The following LRRC4C variants were observed in gnomAD, a reference collection of about 807,000 sequenced individuals.
The protein encoded by LRRC4C is leucine rich repeat containing 4C, also known as leucine-rich repeat-containing protein 4C.
LRRC4C carries 5 observed loss-of-function variants against 33.6 expected under a neutral mutation model. The ratio of observed to expected loss-of-function variants is 0.15; its 90% CI spans 0.08 to 0.31. The LOEUF is 0.31. LRRC4C is among the 10% of genes least tolerant of loss of function. The pLI, the probability that LRRC4C is intolerant of heterozygous loss-of-function variation, is 1.00. For synonymous variants in LRRC4C, 329 were observed against 302.0 expected, an observed-to-expected ratio of 1.09 and a Z score of -0.93; for missense variants, 560 against 796.7, an observed-to-expected ratio of 0.70 and a Z score of 3.58.
intron 2 of LRRC4C, among the ~76,000 whole-genome samples, chr11:40,666,840 C>T (rs1943835914): frequency 6.6e-6 from 1 of 152,212 alleles, no homozygotes; most frequent in South Asian, 2.1e-4. Flanking sequence ...CATAGGCTAT[C>T]CTAGCCAGTG....
chr11:40,382,684 ATTTTTTTTTTTT>A lies in LRRC4C; in HGVS notation c.-269-62975_-269-62964del, dbSNP rs35200000. Among the ~76,000 whole-genome samples, 11 of 65,570 alleles carry A rather than the reference ATTTTTTTTTTTT, an allele frequency of 1.7e-4. No individual in the cohort carries two copies. The South Asian group carries it at 6.0e-3, about 36-fold the overall frequency. 43.0% of individuals were successfully genotyped at this position (65,570 alleles called of 152,430 possible). On this transcript the variant is annotated intron_variant, in intron 3 of 6. Transcript: ENST00000528697. ...TTTTGCACAACTAAAACTTGTACTC[ATTTTTTTTTTTT>A]TTTTTTTTTTTTTTTGAGACAGAGT...
chr11:41,008,523 G>T (rs1387375457), intron 1 of LRRC4C, among the ~76,000 whole-genome samples: 3 of 152,126 alleles, frequency 2.0e-5, no homozygotes, highest in African/African-American at 7.2e-5. Flanking sequence ...ACTCACACTT[G>T]TATTCTGCAG....
chr11:41,158,249 G>A (rs1944318663), intron 1 of LRRC4C, among the ~76,000 whole-genome samples: 2 of 152,076 alleles, frequency 1.3e-5, no homozygotes, highest in African/African-American at 4.8e-5. Context: ...TTATATCCCT[G>A]TCAGCATGAT....
At position 40,681,423 on chromosome 11, in the gene LRRC4C, C is replaced by G. The variant is rs183005017; in HGVS notation, c.-406-33145G>C. ...ATTTGTTGTACTCCAAAACATTGTA[C>G]AGTGAATGGCAAATGTAATAGGGTG... On this transcript the variant is annotated intron_variant, in intron 2 of 6. Transcript: ENST00000528697. Among the ~76,000 whole-genome samples the G allele has an allele frequency of 5.9e-5, 9 of 152,232 alleles. 1 individual carries two copies. The highest frequency in any genetic ancestry group is 5.9e-4 in the Admixed American group (9 of 15,294).
chr11:40,438,549 G>C (rs1340929830), intron 3 of LRRC4C, among the ~76,000 whole-genome samples: 1 of 152,144 alleles, frequency 6.6e-6, no homozygotes, highest in Non-Finnish European at 1.5e-5. Context: ...ACAAAGTCTG[G>C]CTAATAGTGG....
intron 1 of LRRC4C, among the ~76,000 whole-genome samples, chr11:41,074,972 A>C (rs1328434073): frequency 6.6e-6 from 1 of 150,636 alleles, no homozygotes; most frequent in Non-Finnish European, 1.5e-5. Flanking sequence ...TGAATGCTTC[A>C]GTATTTAAGT....
intron 2 of LRRC4C, among the ~76,000 whole-genome samples, chr11:40,662,195 CT>C (rs1328652681): frequency 6.6e-6 from 1 of 152,110 alleles, no homozygotes; most frequent in Non-Finnish European, 1.5e-5. Context: ...TCTCAGATTC[CT>C]AGAAGTGTTT....
chr11:40,422,232 G>T (rs1029250296), intron 3 of LRRC4C, among the ~76,000 whole-genome samples: 1 of 152,154 alleles, frequency 6.6e-6, no homozygotes, highest in African/African-American at 2.4e-5. Flanking sequence ...CCAGTAACAC[G>T]GAGGAAAGGG....
At chr11:41,219,881 G>A (rs1286275181) in intron 1 of LRRC4C, among the ~76,000 whole-genome samples, 1 of 152,190 alleles carries the variant, frequency 6.6e-6, no homozygotes, top group Non-Finnish European at 1.5e-5. Flanking sequence ...AAGGAAGCCT[G>A]AGCATTCTCA....
chr11:41,208,640 T>C (rs951949232), intron 1 of LRRC4C, among the ~76,000 whole-genome samples: 3 of 152,104 alleles, frequency 2.0e-5, no homozygotes, highest in African/African-American at 7.2e-5. Flanking sequence ...GCCTCAGAGA[T>C]CCTACAGGAT....
intron 3 of LRRC4C, among the ~76,000 whole-genome samples, chr11:40,474,908 T>A (rs1413677188): frequency 6.6e-6 from 1 of 152,060 alleles, no homozygotes; most frequent in Non-Finnish European, 1.5e-5. Context: ...TGAGATACCA[T>A]CTCATGCCAG....
rs182099729 is a variant in LRRC4C, at chr11:41,445,095, G to A, written c.-496+14336C>T. Among the ~76,000 whole-genome samples, 50 of 152,242 alleles carry A rather than the reference G, an allele frequency of 3.3e-4. 1 individual carries two copies. The South Asian group carries it at 7.7e-3, about 23-fold the overall frequency. ...TGGGATTACAGGCATGAGCCACCAC[G>A]CCCGACATCTAACTTAATTTCTATT... On this transcript the variant is annotated intron_variant, in intron 1 of 6. Transcript: ENST00000528697.
chr11:40,182,949 A>G (rs1447358397), intron 5 of LRRC4C, among the ~76,000 whole-genome samples: 2 of 152,298 alleles, frequency 1.3e-5, no homozygotes, highest in Middle Eastern at 3.4e-3. Context: ...GTTTAAAAAA[A>G]TGGGGCATAG....
intron 1 of LRRC4C, among the ~76,000 whole-genome samples, chr11:41,276,530 T>G (rs1291590046): frequency 6.6e-6 from 1 of 152,196 alleles, no homozygotes; most frequent in Non-Finnish European, 1.5e-5. Context: ...CACATATCAT[T>G]TAATTATGTA....
At chr11:41,327,721 G>C (rs1258628038) in intron 1 of LRRC4C, among the ~76,000 whole-genome samples, 2 of 152,096 alleles carry the variant, frequency 1.3e-5, no homozygotes, top group African/African-American at 4.8e-5. Context: ...TGAATCATGG[G>C]GGCAGGTTTG....
At chr11:41,028,889 A>G (rs924346478) in intron 1 of LRRC4C, among the ~76,000 whole-genome samples, 1 of 151,668 alleles carries the variant, frequency 6.6e-6, no homozygotes, top group Non-Finnish European at 1.5e-5. Context: ...TCTGATGTCC[A>G]TAGAGAAGGT....
chr11:40,475,747 G>C (rs1953183716), intron 3 of LRRC4C, among the ~76,000 whole-genome samples: 1 of 152,066 alleles, frequency 6.6e-6, no homozygotes, highest in Non-Finnish European at 1.5e-5. Context: ...AAAATTGTTA[G>C]AGAAACTATG....
chr11:40,879,165 G>A (rs1168780669), intron 2 of LRRC4C, among the ~76,000 whole-genome samples: 1 of 152,120 alleles, frequency 6.6e-6, no homozygotes, highest in African/African-American at 2.4e-5. Flanking sequence ...TGGAAAATCA[G>A]TTTCCATCTG....
rs1269402438 is a variant in LRRC4C, at chr11:40,920,927, T to TG, written c.-407+12707_-407+12708insC. On this transcript the variant is annotated intron_variant, in intron 2 of 6. Transcript: ENST00000528697. The stretch of plus-strand genomic sequence containing the variant: ...AGGTGCGCCCAACATAATCAAGGTT[T>TG]TTTTTTTTTTTGAGATAGGGTCTTG... Among the ~76,000 whole-genome samples, 5 of 151,392 alleles carry TG rather than the reference T, an allele frequency of 3.3e-5. No homozygotes were observed. In the East Asian group the frequency reaches 7.8e-4, roughly 24 times the overall value.
Sources: gnomAD v4.1 joint callset for allele counts (sites outside exome capture counted in the v4.1 genomes callset) on GRCh38, gnomAD v4.1.1 for gene constraint, MANE v1.5 for transcripts, NCBI Gene and HGNC (gene_info 2026-07-23, HGNC 2026-07-21) for gene names.